RAD51B: variants seen among roughly 807,000 people sequenced by gnomAD.
The protein encoded by RAD51B is DNA repair protein RAD51 homolog 2.
RAD51B carries 38 observed loss-of-function variants against 42.2 expected under a neutral mutation model. The observed-to-expected ratio is 0.90, with a 90% CI of 0.70 to 1.18. The LOEUF is 1.18. RAD51B is among the 50% of genes most tolerant of loss of function. The pLI, the probability that RAD51B is intolerant of heterozygous loss-of-function variation, is 0.00. For missense variants in RAD51B, 373 were observed against 400.7 expected, an observed-to-expected ratio of 0.93 and a Z score of 0.59; for synonymous variants, 154 against 145.2, an observed-to-expected ratio of 1.06 and a Z score of -0.43.
chr14:67,854,408 C>T (rs2041918317), intron 4 of RAD51B, among the ~76,000 whole-genome samples: 1 of 149,324 alleles, frequency 6.7e-6, no homozygotes, highest in Non-Finnish European at 1.5e-5. Context: ...CCGAGATGGG[C>T]AGATCACTTG....
At chr14:68,005,794 A>T (rs1447347969) in intron 7 of RAD51B, among the ~76,000 whole-genome samples, 1 of 152,236 alleles carries the variant, frequency 6.6e-6, no homozygotes, top group African/African-American at 2.4e-5. Flanking sequence ...TAATTTATAA[A>T]GAAAAGAAGT....
chr14:68,673,873 T>C (rs1195706658), intron 11 of RAD51B, among the ~76,000 whole-genome samples: 1 of 82,728 alleles, frequency 1.2e-5, no homozygotes, highest in Admixed American at 1.2e-4. Context: ...GTACACATAC[T>C]GTGCACACAC....
chr14:68,017,419 C>A (rs2075794541), intron 7 of RAD51B, among the ~76,000 whole-genome samples: 1 of 152,034 alleles, frequency 6.6e-6, no homozygotes. Context: ...TGGTCTTGAA[C>A]TCCGGAGCTC....
chr14:68,382,386 T>C lies in RAD51B; in HGVS notation c.854-29038T>C, dbSNP rs75257424. The stretch of plus-strand genomic sequence containing the variant: ...GAATCACTGATCTCACTCAAGGTTT[T>C]ATCTTTGACATCAGCGCCATAAGAT... On this transcript the variant is annotated intron_variant, in intron 8 of 10. Transcript: ENST00000471583. 6.6e-5 allele frequency among the ~76,000 whole-genome samples: 10 copies of C among 152,370 alleles called. No homozygotes were observed. In the East Asian group the frequency reaches 1.7e-3, roughly 26 times the overall value.
At chr14:68,342,748 G>A (rs12432997) in intron 8 of RAD51B, among the ~76,000 whole-genome samples, 5,078 of 152,298 alleles carry the variant, frequency 0.033, 258 homozygotes, top group African/African-American at 0.1. Context: ...AGATCATTTG[G>A]TAACTGTTGG....
intron 11 of RAD51B, among the ~76,000 whole-genome samples, chr14:68,651,571 C>G (rs1566964353): frequency 6.6e-6 from 1 of 152,118 alleles, no homozygotes; most frequent in Non-Finnish European, 1.5e-5. Flanking sequence ...TAGCTGAAGT[C>G]GAACCCTCTA....
Position 68,326,589 on chromosome 14 carries a change from G to A in RAD51B, c.853+34609G>A, listed in dbSNP as rs551187927. Reference sequence around the variant, plus strand: ...CTAGATCATGAACAGAGAACTAAAGGCTTTTGATTATAAACCTCCTTATGC... The same window carrying A: ...CTAGATCATGAACAGAGAACTAAAGACTTTTGATTATAAACCTCCTTATGC... On this transcript the variant is annotated intron_variant, in intron 8 of 10. Coordinates refer to ENST00000471583, the MANE Select transcript of RAD51B (RefSeq NM_133510.4). Among the ~76,000 whole-genome samples the A allele has an allele frequency of 3.6e-4, 55 of 152,238 alleles. No homozygotes were observed. The South Asian group carries it at 0.011, about 32-fold the overall frequency.
At chr14:68,635,364 G>A (rs1395275950) in intron 10 of RAD51B, among the ~76,000 whole-genome samples, 2 of 152,150 alleles carry the variant, frequency 1.3e-5, no homozygotes, top group Non-Finnish European at 1.5e-5. Context: ...TGAGCCAAAT[G>A]GAACTGCTTT....
intron 7 of RAD51B, among the ~76,000 whole-genome samples, chr14:68,083,832 T>G (rs1450331107): frequency 2.6e-5 from 4 of 152,176 alleles, no homozygotes; most frequent in Non-Finnish European, 5.9e-5. Context: ...CATTAACAAG[T>G]ACAAGCGACA....
At chr14:68,207,032 C>T (rs549098372) in intron 7 of RAD51B, among the ~76,000 whole-genome samples, 13 of 152,204 alleles carry the variant, frequency 8.5e-5, no homozygotes, top group South Asian at 4.1e-4. Flanking sequence ...CCTCATGATC[C>T]GCCCGCCTTG....
chr14:68,406,177 G>T (rs944043012), intron 8 of RAD51B, among the ~76,000 whole-genome samples: 5 of 152,170 alleles, frequency 3.3e-5, no homozygotes, highest in Non-Finnish European at 5.9e-5. Context: ...TACATCAGGC[G>T]TGGGTTTGGC....
intron 4 of RAD51B, among the ~76,000 whole-genome samples, chr14:67,844,034 T>C (rs938313641): frequency 6.6e-6 from 1 of 152,134 alleles, no homozygotes; most frequent in African/African-American, 2.4e-5. Context: ...GTCCCAGAGA[T>C]TCTGGTATGT....
At chr14:67,903,461 C>T (rs1439692361) in intron 7 of RAD51B, among the ~76,000 whole-genome samples, 1 of 152,078 alleles carries the variant, frequency 6.6e-6, no homozygotes, top group African/African-American at 2.4e-5. Flanking sequence ...GCTTTCAAGA[C>T]TCTTGTTTCT....
rs187190400 is a variant in RAD51B, at chr14:67,984,809, A to C, written c.756+97605A>C. Reference sequence around the variant, plus strand: ...ACTCCACTCTGATGGACGAGGAAAAATGATAAATTTACAAATATTTTATCT... The same window carrying C: ...ACTCCACTCTGATGGACGAGGAAAACTGATAAATTTACAAATATTTTATCT... On this transcript the variant is annotated intron_variant, in intron 7 of 10. Transcript: ENST00000471583. 1.7e-4 allele frequency among the ~76,000 whole-genome samples: 26 copies of C among 152,336 alleles called. No individual in the cohort carries two copies. In the East Asian group the frequency reaches 4.0e-3, roughly 24 times the overall value.
chr14:68,141,154 G>A (rs1366375407), intron 7 of RAD51B, among the ~76,000 whole-genome samples: 2 of 152,114 alleles, frequency 1.3e-5, no homozygotes, highest in Admixed American at 1.3e-4. Context: ...TTGCAGGAAT[G>A]CAGAACAGTG....
chr14:68,548,310 C>A (rs926164885), intron 10 of RAD51B, among the ~76,000 whole-genome samples: 9 of 152,158 alleles, frequency 5.9e-5, no homozygotes, highest in Non-Finnish European at 1.0e-4. Context: ...CCCAGCCCAG[C>A]CCAGCCCTGC....
At chr14:68,124,588 A>T (rs778457546) in intron 7 of RAD51B, among the ~76,000 whole-genome samples, 1 of 152,204 alleles carries the variant, frequency 6.6e-6, no homozygotes, top group African/African-American at 2.4e-5. Context: ...TAGGCCTCAC[A>T]AGCTATTAAG....
intron 7 of RAD51B, among the ~76,000 whole-genome samples, chr14:68,273,719 T>G (rs1369093674): frequency 4.6e-5 from 7 of 152,088 alleles, no homozygotes; most frequent in African/African-American, 7.2e-5. Flanking sequence ...GTGCTCTCAC[T>G]CTGTCATACA....
At chr14:67,881,900 T>A (rs1009556432) in intron 5 of RAD51B, among the ~76,000 whole-genome samples, 26 of 152,194 alleles carry the variant, frequency 1.7e-4, no homozygotes, top group Admixed American at 8.5e-4. Context: ...ATTTAAAAAA[T>A]TTTATCCAAC....
Sources: gnomAD v4.1 joint callset for allele counts (sites outside exome capture counted in the v4.1 genomes callset) on GRCh38, gnomAD v4.1.1 for gene constraint, MANE v1.5 for transcripts, NCBI Gene and HGNC (gene_info 2026-07-23, HGNC 2026-07-21) for gene names.